FAM184B: variants seen among roughly 807,000 people sequenced by gnomAD.
FAM184B encodes the protein family with sequence similarity 184 member B.
In FAM184B, 111 loss-of-function variants were observed where a neutral mutation model predicts 135.9. The ratio of observed to expected loss-of-function variants is 0.82; its 90% CI spans 0.70 to 0.96. FAM184B has a LOEUF of 0.96. FAM184B is among the 40% of genes least tolerant of loss of function. FAM184B has a pLI of 0.00. For missense variants in FAM184B, 1,375 were observed against 1,323.9 expected (o/e 1.04, Z -0.60); for synonymous variants, 552 against 524.8 (o/e 1.05, Z -0.71).
chr4:17,632,277 A>T lies in FAM184B; in HGVS notation c.*255T>A, dbSNP rs566398609. Reference sequence around the variant, plus strand: ...TTTTGTAGAGATGGGGTTTCACCATATTGGCCAGGCTGGTCTCAAATTCCT... The same window carrying T: ...TTTTGTAGAGATGGGGTTTCACCATTTTGGCCAGGCTGGTCTCAAATTCCT... On this transcript the variant is annotated 3_prime_UTR_variant, in exon 18 of 18. Transcript: ENST00000265018. 2 of 264,022 alleles carry T rather than the reference A, an allele frequency of 7.6e-6. No homozygotes were observed. The highest frequency in any genetic ancestry group is 1.5e-4 in the East Asian group (2 of 13,256). 16.4% of individuals were successfully genotyped at this position (264,022 alleles called of 1,614,324 possible). A position where few individuals can be genotyped will look rare whatever the true frequency, so the allele number is the denominator to read the frequency against.
chr4:17,728,614 G>T (rs1334969936), intron 1 of FAM184B, among the ~76,000 whole-genome samples: 1 of 152,162 alleles, frequency 6.6e-6, no homozygotes, highest in Non-Finnish European at 1.5e-5. Flanking sequence ...CAACTAAGGG[G>T]CAGTAGGAAG....
Position 17,709,589 on chromosome 4 carries a change from A to AGC in FAM184B, c.195_196dup (p.Leu66ArgfsTer50). On this transcript the variant is annotated frameshift_variant, in exon 2 of 18. Transcript: ENST00000265018. LOFTEE classifies it high-confidence loss of function. Reference sequence around the variant, plus strand: ...GAGCTCCTCCTGGTGCGCTTCCCGCAGCGCCTCCATGCTGGCCTCAGCCTC... The same window carrying AGC: ...GAGCTCCTCCTGGTGCGCTTCCCGCAGCGCGCCTCCATGCTGGCCTCAGCCTC... The AGC allele has an allele frequency of 6.5e-7, 1 of 1,545,384 alleles. No individual in the cohort carries two copies.
chr4:17,684,142 AAAT>A (rs945102513), intron 7 of FAM184B, among the ~76,000 whole-genome samples: 2 of 146,212 alleles, frequency 1.4e-5, no homozygotes, highest in Admixed American at 6.9e-5. Flanking sequence ...ATTATATATA[AAAT>A]AATTATATAA....
rs114390847 is a variant in FAM184B, at chr4:17,715,140, A to C, written c.142-5496T>G. Among the ~76,000 whole-genome samples the C allele has an allele frequency of 2.4e-3, 361 of 152,264 alleles. 1 individual carries two copies. The highest frequency in any genetic ancestry group is 8.0e-3 in the African/African-American group (333 of 41,550). On this transcript the variant is annotated intron_variant, in intron 1 of 17. Coordinates refer to ENST00000265018, the MANE Select transcript of FAM184B (RefSeq NM_015688.2). ...CTGCACCTTGATTTTTTTAAACTTC[A>C]TAATAGATTTTGGAGACCATGCTAT...
At chr4:17,702,447 G>C (rs1560180280) in intron 5 of FAM184B, among the ~76,000 whole-genome samples, 1 of 152,102 alleles carries the variant, frequency 6.6e-6, no homozygotes, top group Non-Finnish European at 1.5e-5. Context: ...GTCAGCTCCA[G>C]CCCACCTCCT....
chr4:17,755,496 G>A (rs544942094), intron 1 of FAM184B, among the ~76,000 whole-genome samples: 63 of 152,334 alleles, frequency 4.1e-4, no homozygotes, highest in Middle Eastern at 6.8e-3. Flanking sequence ...GGAAGACAGC[G>A]TGGTGATTCC....
chr4:17,633,548 A>C, intron 17 of FAM184B, 141 bp downstream of exon 17: 2 of 742,078 alleles, frequency 2.7e-6, no homozygotes, highest in Non-Finnish European at 4.1e-6. Context: ...GTTTTCAGGT[A>C]AGTGATTCAG....
chr4:17,634,972 AT>A, intron 16 of FAM184B, 36 bp downstream of exon 16: 2 of 1,426,530 alleles, frequency 1.4e-6, no homozygotes, highest in African/African-American at 2.8e-5. Context: ...AACCAATGGA[AT>A]TGTATAATGC....
In FAM184B at chr4:17,708,714, C is replaced by CTGTGTGTGTG. The variant is rs71167327; in HGVS notation, c.894+168_894+177dup. 9.6e-4 allele frequency among the ~76,000 whole-genome samples: 55 copies of CTGTGTGTGTG among 57,076 alleles called. 1 individual carries two copies. The highest frequency in any genetic ancestry group is 3.0e-3 in the Admixed American group (11 of 3,728). 37.4% of individuals were successfully genotyped at this position (57,076 alleles called of 152,430 possible). On this transcript the variant is annotated intron_variant, in intron 2 of 17. Coordinates refer to ENST00000265018, the MANE Select transcript of FAM184B (RefSeq NM_015688.2). ...ATATATATATATATATATATAGTGT[C>CTGTGTGTGTG]TGTGTGTGTGTGTGTGTGTGTGTGT...
At chr4:17,772,660 C>A (rs1170543139) in intron 1 of FAM184B, among the ~76,000 whole-genome samples, 1 of 152,246 alleles carries the variant, frequency 6.6e-6, no homozygotes, top group African/African-American at 2.4e-5. Flanking sequence ...CTCTTCCCCA[C>A]TGATCTAACT....
chr4:17,637,507 C>T (rs1011808976), intron 14 of FAM184B, among the ~76,000 whole-genome samples: 2 of 152,144 alleles, frequency 1.3e-5, no homozygotes, highest in Admixed American at 6.5e-5. Context: ...ATCATTTCAC[C>T]TGTGTGTGGG....
chr4:17,759,056 C>A (rs1313660979), intron 1 of FAM184B, among the ~76,000 whole-genome samples: 2 of 152,138 alleles, frequency 1.3e-5, no homozygotes, highest in East Asian at 3.9e-4. Flanking sequence ...GCTTGGCGAT[C>A]CTGTCCTTTG....
intron 1 of FAM184B, among the ~76,000 whole-genome samples, chr4:17,746,490 G>A (rs1284382958): frequency 6.6e-6 from 1 of 151,912 alleles, no homozygotes; most frequent in Admixed American, 6.5e-5. Flanking sequence ...CAGCACTTTG[G>A]GAGGCTGAGG....
At chr4:17,731,872 C>A (rs1249477696) in intron 1 of FAM184B, among the ~76,000 whole-genome samples, 1 of 152,190 alleles carries the variant, frequency 6.6e-6, no homozygotes, top group Non-Finnish European at 1.5e-5. Context: ...CCCAAATCAA[C>A]AGAATATACA....
chr4:17,695,551 G>A (rs1269104499), intron 5 of FAM184B, among the ~76,000 whole-genome samples: 3 of 152,184 alleles, frequency 2.0e-5, no homozygotes. Context: ...GGAGGAGGCT[G>A]TGGTGGTAAC....
intron 1 of FAM184B, among the ~76,000 whole-genome samples, chr4:17,724,169 A>G (rs1308297991): frequency 6.6e-6 from 1 of 152,136 alleles, no homozygotes; most frequent in East Asian, 1.9e-4. Flanking sequence ...ATGCATATGT[A>G]TCGACAAAGG....
At chr4:17,746,179 G>A (rs1320873041) in intron 1 of FAM184B, among the ~76,000 whole-genome samples, 2 of 151,722 alleles carry the variant, frequency 1.3e-5, no homozygotes, top group Non-Finnish European at 2.9e-5. Flanking sequence ...GACTGGTCTC[G>A]AACTCCTGAC....
At chr4:17,650,969 C>G (rs1032459075) in intron 11 of FAM184B, among the ~76,000 whole-genome samples, 1 of 152,062 alleles carries the variant, frequency 6.6e-6, no homozygotes, top group Non-Finnish European at 1.5e-5. Flanking sequence ...ACTGACCTCA[C>G]GTGATCCTCT....
intron 5 of FAM184B, among the ~76,000 whole-genome samples, chr4:17,694,396 G>A (rs1716808392): frequency 2.0e-5 from 3 of 152,210 alleles, no homozygotes; most frequent in South Asian, 4.1e-4. Context: ...GGTGGTGGGT[G>A]CCTGTAGTCC....
Sources: allele counts gnomAD v4.1 joint callset (sites outside exome capture counted in the v4.1 genomes callset), GRCh38; gene constraint gnomAD v4.1.1; transcripts MANE v1.5; gene names NCBI Gene and HGNC (gene_info 2026-07-23, HGNC 2026-07-21).